Variants in PCDH11X observed in about 807,000 individuals in gnomAD.
The protein encoded by PCDH11X is protocadherin 11 X-linked, also known as protocadherin-11 X-linked.
A neutral mutation model predicts 53.3 loss-of-function variants in PCDH11X; 18 were observed. The ratio of observed to expected loss-of-function variants is 0.34; its 90% CI spans 0.23 to 0.50. The LOEUF is 0.50. Ranked by LOEUF, PCDH11X falls within the 20% of genes least tolerant of loss-of-function variation. The probability of loss-of-function intolerance (pLI) is 0.98; values close to 1 mark genes in which losing one functional copy is unlikely to be tolerated. For missense variants in PCDH11X, 570 were observed against 1,032.4 expected, an observed-to-expected ratio of 0.55 and a Z score of 6.14; for synonymous variants, 279 against 393.3, an observed-to-expected ratio of 0.71 and a Z score of 3.44.
intron 10 of PCDH11X, among the ~76,000 whole-genome samples, chrX:92,550,737 A>G (rs1447617078): frequency 9.1e-6 from 1 of 110,086 alleles, no homozygotes; most frequent in Non-Finnish European, 1.9e-5. Flanking sequence ...CCCACCACAC[A>G]CTACCCTTCC....
chrX:91,922,658 T>C (rs1406348327), intron 6 of PCDH11X, among the ~76,000 whole-genome samples: 1 of 112,411 alleles, frequency 8.9e-6, no homozygotes, highest in African/African-American at 3.2e-5. Context: ...GCGAGGGATC[T>C]AGGTTGTGCG....
Position 91,921,901 on chromosome X carries a change from G to T in PCDH11X, c.3033+42628G>T, listed in dbSNP as rs748204345. On this transcript the variant is annotated intron_variant, in intron 6 of 10. Transcript: ENST00000682573. Reference sequence around the variant, plus strand: ...AAACTGCCAAACTGTCTTCCAAAGTGGCTATAGATTCTCTTTCATTGGGAA... The same window carrying T: ...AAACTGCCAAACTGTCTTCCAAAGTTGCTATAGATTCTCTTTCATTGGGAA... 1.8e-4 allele frequency among the ~76,000 whole-genome samples: 20 copies of T among 110,722 alleles called. No individual in the cohort carries two copies. In the South Asian group the frequency reaches 2.3e-3, roughly 13 times the overall value.
Position 92,073,757 on chromosome X carries a change from A to C in PCDH11X, c.3034-127618A>C, listed in dbSNP as rs758890500. On this transcript the variant is annotated intron_variant, in intron 6 of 10. Transcript: ENST00000682573. ...GAGGCAGGTAGCCCCTTTAATGATG[A>C]GACAGTTAATCCGGATATTTCAACA... 3.6e-5 allele frequency among the ~76,000 whole-genome samples: 4 copies of C among 111,891 alleles called. No homozygotes were observed. The East Asian group carries it at 1.1e-3, about 32-fold the overall frequency.
intron 1 of PCDH11X, among the ~76,000 whole-genome samples, chrX:91,800,800 C>T (rs1232308232): frequency 2.7e-5 from 3 of 110,364 alleles, no homozygotes; most frequent in Admixed American, 9.7e-5. Context: ...TGTTAAGATA[C>T]TTGATGGCTT....
intron 6 of PCDH11X, among the ~76,000 whole-genome samples, chrX:92,070,485 GCCACT>G (rs1430205842): frequency 8.9e-6 from 1 of 111,966 alleles, no homozygotes; most frequent in Non-Finnish European, 1.9e-5. Context: ...AATATGTCAT[GCCACT>G]CTCTCTTGTC....
In PCDH11X at chrX:92,619,150, G is replaced by A. The variant is rs1928303788; in HGVS notation, c.*210G>A. On this transcript the variant is annotated 3_prime_UTR_variant, in exon 11 of 11. Transcript: ENST00000682573. ...CAGAATGTGTATTTAAAAAGAAAAG[G>A]AATTTAACAATTTGCATCCCCTTGT... 1.5e-5 allele frequency: 7 copies of A among 453,913 alleles called. 1 individual carries two copies. In the Admixed American group the frequency reaches 1.6e-4, roughly 11 times the overall value. 37.4% of individuals were successfully genotyped at this position (453,913 alleles called of 1,213,427 possible). A position where few individuals can be genotyped will look rare whatever the true frequency, so the allele number is the denominator to read the frequency against.
chrX:92,185,509 G>A (rs2066076056), intron 6 of PCDH11X, among the ~76,000 whole-genome samples: 1 of 111,277 alleles, frequency 9.0e-6, no homozygotes, highest in African/African-American at 3.3e-5. Flanking sequence ...ATAGAAGTAT[G>A]GGATTATAGC....
At chrX:91,835,127 T>C in intron 4 of PCDH11X, 1 of 567,320 alleles carries the variant, frequency 1.8e-6, no homozygotes, top group Non-Finnish European at 2.3e-6. Context: ...CCTTAACTAT[T>C]GAATTAAATA....
At chrX:91,823,629 A>G (rs1273524439) in intron 4 of PCDH11X, among the ~76,000 whole-genome samples, 3 of 111,437 alleles carry the variant, frequency 2.7e-5, no homozygotes, top group Admixed American at 9.6e-5. Flanking sequence ...TCTTTATCCA[A>G]TTTGCCAGTC....
At chrX:92,606,872 A>G (rs1926882254) in intron 10 of PCDH11X, among the ~76,000 whole-genome samples, 1 of 111,043 alleles carries the variant, frequency 9.0e-6, no homozygotes, top group South Asian at 3.8e-4. Flanking sequence ...ACAAATAGAC[A>G]TATTTTTCCA....
intron 9 of PCDH11X, among the ~76,000 whole-genome samples, chrX:92,393,633 ATTC>A (rs1376213678): frequency 9.0e-6 from 1 of 111,271 alleles, no homozygotes; most frequent in Non-Finnish European, 1.9e-5. Context: ...AGTCACTTTT[ATTC>A]TTTTTCAAAT....
At chrX:91,858,555 A>G (rs1218502908) in intron 5 of PCDH11X, among the ~76,000 whole-genome samples, 1 of 111,325 alleles carries the variant, frequency 9.0e-6, no homozygotes, top group East Asian at 2.9e-4. Context: ...ATTGTAGTGA[A>G]TACATAACAC....
intron 6 of PCDH11X, among the ~76,000 whole-genome samples, chrX:92,131,630 G>A (rs755892031): frequency 9.0e-6 from 1 of 111,665 alleles, no homozygotes; most frequent in South Asian, 3.8e-4. Flanking sequence ...CTGTAAATGT[G>A]CATCCATTTA....
At chrX:92,559,778 G>A (rs1458703115) in intron 10 of PCDH11X, among the ~76,000 whole-genome samples, 2 of 110,867 alleles carry the variant, frequency 1.8e-5, no homozygotes, top group Non-Finnish European at 3.8e-5. Context: ...CCTAGCCAGA[G>A]GGGTGTTCTG....
intron 6 of PCDH11X, among the ~76,000 whole-genome samples, chrX:91,922,846 A>G (rs1941796360): frequency 9.0e-6 from 1 of 110,790 alleles, no homozygotes; most frequent in African/African-American, 3.3e-5. Context: ...CAGAGGTTAA[A>G]TCACTTTTGC....
chrX:92,110,179 C>T (rs2759996), intron 6 of PCDH11X, among the ~76,000 whole-genome samples: 8 of 111,408 alleles, frequency 7.2e-5, no homozygotes, highest in African/African-American at 9.8e-5. Flanking sequence ...AGAAGGTCTA[C>T]GAAAGTTCCA....
intron 9 of PCDH11X, among the ~76,000 whole-genome samples, chrX:92,418,068 C>G (rs2071860829): frequency 9.2e-6 from 1 of 108,143 alleles, no homozygotes; most frequent in South Asian, 4.0e-4. Flanking sequence ...ACCTAAACTA[C>G]TAATCACCAT....
At chrX:92,508,522 A>C (rs1184009103) in intron 10 of PCDH11X, among the ~76,000 whole-genome samples, 1 of 111,714 alleles carries the variant, frequency 9.0e-6, no homozygotes, top group East Asian at 2.8e-4. Flanking sequence ...TGCCTGGCCA[A>C]ACCACAGGAC....
intron 10 of PCDH11X, among the ~76,000 whole-genome samples, chrX:92,483,905 T>C (rs1353871826): frequency 9.2e-6 from 1 of 108,912 alleles, no homozygotes; most frequent in Non-Finnish European, 1.9e-5. Flanking sequence ...GACTTTGTCA[T>C]ACATATATTT....
Sources: allele counts gnomAD v4.1 joint callset (sites outside exome capture counted in the v4.1 genomes callset), GRCh38; gene constraint gnomAD v4.1.1; transcripts MANE v1.5; gene names NCBI Gene and HGNC (gene_info 2026-07-23, HGNC 2026-07-21).